TENM4: variants seen among roughly 807,000 people sequenced by gnomAD.
TENM4 encodes the protein teneurin transmembrane protein 4, also known as teneurin-4.
In TENM4, 82 loss-of-function variants were observed where a neutral mutation model predicts 243.3. The observed-to-expected ratio is 0.34, with a 90% confidence interval of 0.28 to 0.40. The LOEUF (loss-of-function observed/expected upper bound fraction) is 0.40. TENM4 is among the 10% of genes least tolerant of loss of function. The pLI, the probability that TENM4 is intolerant of heterozygous loss-of-function variation, is 1.00. For missense variants in TENM4, 3,138 were observed against 3,673.3 expected, an observed-to-expected ratio of 0.85 and a Z score of 3.77; for synonymous variants, 1,412 against 1,456.3, an observed-to-expected ratio of 0.97 and a Z score of 0.69.
intron 2 of TENM4, among the ~76,000 whole-genome samples, chr11:79,271,501 C>G (rs1256489427): frequency 6.6e-6 from 1 of 152,202 alleles, no homozygotes; most frequent in Non-Finnish European, 1.5e-5. Flanking sequence ...GCATTTGTGT[C>G]CCCAGGGCCA....
At chr11:78,754,586 T>C (rs562306187) in intron 19 of TENM4, among the ~76,000 whole-genome samples, 1 of 152,196 alleles carries the variant, frequency 6.6e-6, no homozygotes, top group African/African-American at 2.4e-5. Flanking sequence ...ATTTCCTTGG[T>C]AGGAATATTA....
intron 6 of TENM4, among the ~76,000 whole-genome samples, chr11:78,949,996 C>T (rs557213761): frequency 1.2e-4 from 18 of 151,574 alleles, no homozygotes; most frequent in South Asian, 4.2e-4. Flanking sequence ...GTTGGCGGGG[C>T]GGGGGGTGCA....
At chr11:78,800,925 T>C (rs560318106) in intron 15 of TENM4, among the ~76,000 whole-genome samples, 12 of 152,286 alleles carry the variant, frequency 7.9e-5, no homozygotes, top group African/African-American at 2.6e-4. Context: ...TTCAGTTTCC[T>C]TATCTGGAAA....
At chr11:78,912,448 G>T (rs1856210396) in intron 6 of TENM4, among the ~76,000 whole-genome samples, 2 of 152,182 alleles carry the variant, frequency 1.3e-5, no homozygotes, top group South Asian at 4.1e-4. Context: ...GTAGAGACTG[G>T]GTTTCACCAT....
rs76219636 is a variant in TENM4 at position 79,223,871 on chromosome 11, C to T, written c.-264-7962G>A. Among the ~76,000 whole-genome samples, 239 of 152,286 alleles carry T rather than the reference C, an allele frequency of 1.6e-3. 1 individual carries two copies. Among genetic ancestry groups the T allele is most frequent in the African/African-American group, 5.6e-3 (233 of 41,558 alleles). On this transcript the variant is annotated intron_variant, in intron 2 of 33. Transcript: ENST00000278550. ...GGTTGTGACAGTCATAGGTGCTGTG[C>T]GTCAATTATTTCTGGCTCTCTACTT...
intron 2 of TENM4, among the ~76,000 whole-genome samples, chr11:79,284,501 C>T (rs1027141567): frequency 1.4e-4 from 21 of 152,232 alleles, no homozygotes; most frequent in South Asian, 2.1e-4. Context: ...TATCCACATG[C>T]GAAAGAATGA....
intron 9 of TENM4, among the ~76,000 whole-genome samples, chr11:78,884,334 T>C (rs766024181): frequency 6.6e-6 from 1 of 152,192 alleles, no homozygotes; most frequent in Non-Finnish European, 1.5e-5. Context: ...TCCAGCCACT[T>C]CCATAAGGAA....
intron 1 of TENM4, among the ~76,000 whole-genome samples, chr11:79,417,362 T>C (rs2135583118): frequency 6.6e-6 from 1 of 152,304 alleles, no homozygotes; most frequent in Non-Finnish European, 1.5e-5. Flanking sequence ...TGTTTGTTGA[T>C]GGCTCAAAGG....
At chr11:79,322,251 G>A (rs899708357) in intron 1 of TENM4, among the ~76,000 whole-genome samples, 2 of 152,174 alleles carry the variant, frequency 1.3e-5, no homozygotes, top group Non-Finnish European at 1.5e-5. Flanking sequence ...CTTTCCCTAT[G>A]AGGAATGGAT....
At chr11:78,823,293 C>A (rs1565394377) in intron 12 of TENM4, among the ~76,000 whole-genome samples, 1 of 152,224 alleles carries the variant, frequency 6.6e-6, no homozygotes, top group African/African-American at 2.4e-5. Context: ...GTGCAAGAGA[C>A]AACACCTCGC....
At chr11:78,720,307 G>C in intron 25 of TENM4, 63 bp downstream of exon 25, 2 of 1,576,734 alleles carry the variant, frequency 1.3e-6, no homozygotes, top group Non-Finnish European at 1.7e-6. Flanking sequence ...GACATGTGCA[G>C]CTTACCATAC....
intron 1 of TENM4, among the ~76,000 whole-genome samples, chr11:79,433,571 T>C (rs1859210730): frequency 6.6e-6 from 1 of 152,224 alleles, no homozygotes; most frequent in Non-Finnish European, 1.5e-5. Context: ...AAAAACATTC[T>C]TAAAACCTAA....
At chr11:79,223,167 C>T (rs1002958198) in intron 2 of TENM4, among the ~76,000 whole-genome samples, 3 of 152,050 alleles carry the variant, frequency 2.0e-5, no homozygotes, top group South Asian at 2.1e-4. Flanking sequence ...AAAAAAATAA[C>T]AGGCTCTCAT....
chr11:78,774,321 G>A (rs1234865984), intron 17 of TENM4, among the ~76,000 whole-genome samples: 4 of 152,118 alleles, frequency 2.6e-5, no homozygotes, highest in Non-Finnish European at 5.9e-5. Flanking sequence ...TAACGTTTAG[G>A]TCAAAAGCTA....
intron 1 of TENM4, among the ~76,000 whole-genome samples, chr11:79,408,287 G>A (rs1858615982): frequency 6.6e-6 from 1 of 152,180 alleles, no homozygotes; most frequent in Non-Finnish European, 1.5e-5. Context: ...TCTACTGGAT[G>A]CTGGCCAAGA....
At chr11:78,870,420 C>G (rs1186385362) in intron 9 of TENM4, among the ~76,000 whole-genome samples, 2 of 152,146 alleles carry the variant, frequency 1.3e-5, no homozygotes, top group African/African-American at 2.4e-5. Flanking sequence ...GTAATGGGAA[C>G]TAGAGATATT....
chr11:79,375,941 A>G (rs1006001405), intron 1 of TENM4, among the ~76,000 whole-genome samples: 2 of 152,208 alleles, frequency 1.3e-5, no homozygotes, highest in Non-Finnish European at 2.9e-5. Context: ...TCTGCTTTCT[A>G]TCCTAAGGGC....
chr11:78,926,677 G>GT (rs754243078), intron 6 of TENM4, among the ~76,000 whole-genome samples: 9,788 of 127,118 alleles, frequency 0.077, 1,051 homozygotes, highest in African/African-American at 0.27. Flanking sequence ...GGTGTTTTTT[G>GT]TTTTTTTTTT....
Position 78,661,543 on chromosome 11 carries a change from A to G in TENM4, c.7457T>C (p.Ile2486Thr), listed in dbSNP as rs1368856742. 1 of 1,613,396 alleles carries G rather than the reference A, an allele frequency of 6.2e-7. No homozygotes were observed. The highest frequency in any genetic ancestry group is 8.5e-7 in the Non-Finnish European group (1 of 1,179,756). The change falls in exon 33 of 34, where the codon ATC becomes ACC. Residue 2486 changes from isoleucine (I) to threonine (T), a missense_variant. Coordinates refer to ENST00000278550, the MANE Select transcript of TENM4 (RefSeq NM_001098816.3). ...CATGTCTGGTTTGGGATAACCAGGGATCACGTTGTGTAGCTGGAATCCAAA... is the reference window on the plus strand; with the variant it reads ...CATGTCTGGTTTGGGATAACCAGGGGTCACGTTGTGTAGCTGGAATCCAAA... The part of the protein sequence containing the change: ...LTFGFQLHNV[I>T]PGYPKPDMDA...
Sources: gnomAD v4.1 joint callset for allele counts (sites outside exome capture counted in the v4.1 genomes callset) on GRCh38, gnomAD v4.1.1 for gene constraint, MANE v1.5 for transcripts, NCBI Gene and HGNC (gene_info 2026-07-23, HGNC 2026-07-21) for gene names.